The following PIK3R1 variants were observed in gnomAD, a reference collection of about 807,000 sequenced individuals.
PIK3R1 encodes the protein phosphoinositide-3-kinase regulatory subunit 1.
PIK3R1 carries 29 observed loss-of-function variants against 98.0 expected under a neutral mutation model. The observed-to-expected ratio is 0.30, with a 90% CI of 0.22 to 0.40. The LOEUF is 0.40. Ranked by LOEUF, PIK3R1 falls within the 10% of genes least tolerant of loss-of-function variation. PIK3R1 has a pLI of 1.00. For synonymous variants in PIK3R1, 282 were observed against 311.8 expected, an observed-to-expected ratio of 0.90 and a Z score of 1.01; for missense variants, 596 against 872.7, an observed-to-expected ratio of 0.68 and a Z score of 3.99.
At chr5:68,243,508 C>T (rs1235738950) in intron 2 of PIK3R1, among the ~76,000 whole-genome samples, 12 of 152,288 alleles carry the variant, frequency 7.9e-5, no homozygotes, top group Middle Eastern at 3.4e-3. Flanking sequence ...TAAAAGAGGG[C>T]GGAGTTAGAA....
chr5:68,261,494 A>G (rs1580215102), intron 2 of PIK3R1, among the ~76,000 whole-genome samples: 1 of 152,262 alleles, frequency 6.6e-6, no homozygotes, highest in East Asian at 1.9e-4. Flanking sequence ...GATTTAATCA[A>G]TACTCTTTTA....
In PIK3R1 at chr5:68,295,209, A is replaced by C; in HGVS notation, c.1630A>C (p.Arg544=). ...RISEIIDSRR[R]LEEDLKKQAA... is the part of the protein sequence containing the mutation. Reference sequence around the variant, plus strand: ...CAGTGAAATTATTGACAGTAGAAGAAGATTGGAAGAAGACTTGAAGAAGCA... The same window carrying C: ...CAGTGAAATTATTGACAGTAGAAGACGATTGGAAGAAGACTTGAAGAAGCA... The change falls in exon 13 of 16, where the codon AGA becomes CGA. Residue 544 remains arginine, a synonymous_variant. Coordinates refer to ENST00000521381, the MANE Select transcript of PIK3R1 (RefSeq NM_181523.3). 6.2e-7 allele frequency: 1 copy of C among 1,614,002 alleles called. No homozygotes were observed. The highest frequency in any genetic ancestry group is 8.5e-7 in the Non-Finnish European group (1 of 1,179,880).
chr5:68,231,665 C>T (rs910334243), intron 2 of PIK3R1, among the ~76,000 whole-genome samples: 2 of 152,252 alleles, frequency 1.3e-5, no homozygotes, highest in Non-Finnish European at 2.9e-5. Flanking sequence ...TCATAACCTA[C>T]GCTGTCTCCT....
At chr5:68,239,143 G>C (rs187581267) in intron 2 of PIK3R1, among the ~76,000 whole-genome samples, 2 of 152,168 alleles carry the variant, frequency 1.3e-5, no homozygotes. Flanking sequence ...TCTTGTTCAC[G>C]TGGGAGTACC....
chr5:68,300,687 G>A lies in PIK3R1; in HGVS notation c.*3086G>A. The A allele has an allele frequency of 4.3e-6, 1 of 233,302 alleles. No homozygotes were observed. Among genetic ancestry groups the A allele is most frequent in the Non-Finnish European group, 8.5e-6 (1 of 118,070 alleles). 14.5% of individuals were successfully genotyped at this position (233,302 alleles called of 1,614,324 possible). A position where few individuals can be genotyped will look rare whatever the true frequency, so the allele number is the denominator to read the frequency against. On this transcript the variant is annotated 3_prime_UTR_variant, in exon 16 of 16. Transcript: ENST00000521381. ...ACCTTTCAGCCAAAACAGATCCACAGTAGTTGTTGAGTTCAAGTACATAAA... is the reference window on the plus strand; with the variant it reads ...ACCTTTCAGCCAAAACAGATCCACAATAGTTGTTGAGTTCAAGTACATAAA...
intron 2 of PIK3R1, among the ~76,000 whole-genome samples, chr5:68,227,778 G>T (rs1744335158): frequency 6.6e-6 from 1 of 152,168 alleles, no homozygotes; most frequent in Non-Finnish European, 1.5e-5. Context: ...TGTGGGTAGT[G>T]TCATTTGTAG....
chr5:68,280,443 G>A lies in PIK3R1; in HGVS notation c.635-85G>A. 3.3e-6 allele frequency: 3 copies of A among 919,822 alleles called. No homozygotes were observed. The South Asian group carries it at 4.6e-5, about 14-fold the overall frequency. The allele number at this position is 919,822 out of a possible 1,614,324, so 57.0% of individuals were successfully genotyped here. A position where few individuals can be genotyped will look rare whatever the true frequency, so the allele number is the denominator to read the frequency against. On this transcript the variant is annotated intron_variant, in intron 5 of 15. Transcript: ENST00000521381. ...ATGACTCCTATAGCTTGAAGAAAGAGCAGAACTTTTCTAGGTGTTTATTCA... is the reference window on the plus strand; with the variant it reads ...ATGACTCCTATAGCTTGAAGAAAGAACAGAACTTTTCTAGGTGTTTATTCA...
At chr5:68,249,230 G>T (rs1392849329) in intron 2 of PIK3R1, among the ~76,000 whole-genome samples, 1 of 152,108 alleles carries the variant, frequency 6.6e-6, no homozygotes, top group Non-Finnish European at 1.5e-5. Flanking sequence ...TTAAAATTCA[G>T]AGTCATTTTC....
chr5:68,260,833 G>T (rs1381885758), intron 2 of PIK3R1, among the ~76,000 whole-genome samples: 1 of 152,138 alleles, frequency 6.6e-6, no homozygotes, highest in Non-Finnish European at 1.5e-5. Flanking sequence ...TGTAACTTTG[G>T]AATACATTTA....
intron 2 of PIK3R1, among the ~76,000 whole-genome samples, chr5:68,258,324 G>GA (rs1745609007): frequency 6.6e-6 from 1 of 152,088 alleles, no homozygotes. Flanking sequence ...GCATGTTCTG[G>GA]AAAAAGGATG....
At chr5:68,247,833 G>A (rs1342183104) in intron 2 of PIK3R1, among the ~76,000 whole-genome samples, 1 of 152,106 alleles carries the variant, frequency 6.6e-6, no homozygotes, top group Non-Finnish European at 1.5e-5. Context: ...GTTGGCCTTT[G>A]GTGCCAGGGC....
At chr5:68,235,895 G>A (rs1458553785) in intron 2 of PIK3R1, among the ~76,000 whole-genome samples, 1 of 112,848 alleles carries the variant, frequency 8.9e-6, no homozygotes, top group African/African-American at 3.4e-5. Context: ...TTTTTTTTTT[G>A]AATCTTGCTC....
rs1405873920 is a variant in PIK3R1 at position 68,292,778 on chromosome 5, AG to A, written c.1020-322del. 6 of 1,256,532 alleles carry A rather than the reference AG, an allele frequency of 4.8e-6. No individual in the cohort carries two copies. In the African/African-American group the frequency reaches 9.1e-5, roughly 19 times the overall value. 77.8% of individuals were successfully genotyped at this position (1,256,532 alleles called of 1,614,324 possible). A position where few individuals can be genotyped will look rare whatever the true frequency, so the allele number is the denominator to read the frequency against. Reference sequence around the variant, plus strand: ...ATGAGTTTCTGTGCTCATTTGTCAGAGAGATTGTAATGTTTGGTTGAAAAAA... The same window carrying A: ...ATGAGTTTCTGTGCTCATTTGTCAGAAGATTGTAATGTTTGGTTGAAAAAA... On this transcript the variant is annotated intron_variant, in intron 8 of 15. Transcript: ENST00000521381.
chr5:68,254,594 G>A lies in PIK3R1; in HGVS notation c.335-18796G>A, dbSNP rs561740846. Among the ~76,000 whole-genome samples, 86 of 152,340 alleles carry A rather than the reference G, an allele frequency of 5.6e-4. 1 individual carries two copies. In the South Asian group the frequency reaches 0.017, roughly 31 times the overall value. On this transcript the variant is annotated intron_variant, in intron 2 of 15. Transcript: ENST00000521381. ...GACCTCATGTCAAGAATTCTAAAGAGAGGGTTATGGAATATTGGTTTGATA... is the reference window on the plus strand; with the variant it reads ...GACCTCATGTCAAGAATTCTAAAGAAAGGGTTATGGAATATTGGTTTGATA...
chr5:68,229,007 G>T (rs1736110590), intron 2 of PIK3R1, among the ~76,000 whole-genome samples: 1 of 152,068 alleles, frequency 6.6e-6, no homozygotes, highest in Non-Finnish European at 1.5e-5. Context: ...ATGGAAAGAT[G>T]GAGTGAAATG....
At chr5:68,222,514 T>G (rs1744126825) in intron 1 of PIK3R1, among the ~76,000 whole-genome samples, 1 of 152,110 alleles carries the variant, frequency 6.6e-6, no homozygotes, top group African/African-American at 2.4e-5. Context: ...ATTCCAGAAG[T>G]GGGCAGCCTT....
chr5:68,223,348 C>T (rs1163180041), intron 1 of PIK3R1, among the ~76,000 whole-genome samples: 1 of 152,048 alleles, frequency 6.6e-6, no homozygotes, highest in Non-Finnish European at 1.5e-5. Flanking sequence ...CCAGTCCCCA[C>T]CCCAATGACT....
chr5:68,237,956 C>G (rs1744728578), intron 2 of PIK3R1, among the ~76,000 whole-genome samples: 1 of 152,144 alleles, frequency 6.6e-6, no homozygotes, highest in African/African-American at 2.4e-5. Flanking sequence ...CCTTTCTAAT[C>G]AGTAGGAGGT....
intron 7 of PIK3R1, among the ~76,000 whole-genome samples, chr5:68,286,154 G>T (rs980418861): frequency 3.3e-5 from 5 of 152,188 alleles, no homozygotes; most frequent in African/African-American, 9.7e-5. Flanking sequence ...TATCTGCTGA[G>T]AAGTGAAACA....
Sources: gnomAD v4.1 joint callset for allele counts (sites outside exome capture counted in the v4.1 genomes callset) on GRCh38, gnomAD v4.1.1 for gene constraint, MANE v1.5 for transcripts, NCBI Gene and HGNC (gene_info 2026-07-23, HGNC 2026-07-21) for gene names.